C11orf65: variants seen among roughly 807,000 people sequenced by gnomAD.
The protein encoded by C11orf65 is protein MFI.
C11orf65 carries 38 observed loss-of-function variants against 35.3 expected under a neutral mutation model. That is an observed-to-expected ratio of 1.08 (90% CI 0.83 to 1.41). The LOEUF (loss-of-function observed/expected upper bound fraction) is 1.41. Among genes scored for constraint, C11orf65 ranks in the 40% most tolerant of loss-of-function variants. The pLI, the probability that C11orf65 is intolerant of heterozygous loss-of-function variation, is 0.00. For missense variants in C11orf65, 370 were observed against 367.1 expected (o/e 1.01, Z -0.06); for synonymous variants, 105 against 114.4 (o/e 0.92, Z 0.53).
At chr11:108,437,327 A>G (rs1292907762) in intron 2 of C11orf65, among the ~76,000 whole-genome samples, 1 of 151,900 alleles carries the variant, frequency 6.6e-6, no homozygotes, top group African/African-American at 2.4e-5. Flanking sequence ...TTGAGTTGGC[A>G]GAAAATTAAT....
chr11:108,395,018 C>A (rs1164999613), intron 6 of C11orf65, among the ~76,000 whole-genome samples: 1 of 151,990 alleles, frequency 6.6e-6, no homozygotes, highest in Non-Finnish European at 1.5e-5. Context: ...GTAGTCCCAG[C>A]TACTGGGGAG....
chr11:108,321,262 T>G, intron 6 of C11orf65: 1 of 1,609,760 alleles, frequency 6.2e-7, no homozygotes, highest in South Asian at 1.1e-5. Flanking sequence ...TGAAAACCTC[T>G]TCTTTATTTT....
At chr11:108,364,309 A>G (rs1258644712) in intron 2 of C11orf65, among the ~76,000 whole-genome samples, 3 of 152,184 alleles carry the variant, frequency 2.0e-5, no homozygotes, top group South Asian at 4.1e-4. Flanking sequence ...AGCATTTGCT[A>G]AAGCCTATTT....
At chr11:108,387,148 C>CTTTTTTTTTTTTT (rs1175890979) in intron 7 of C11orf65, among the ~76,000 whole-genome samples, 71 of 84,408 alleles carry the variant, frequency 8.4e-4, no homozygotes, top group South Asian at 2.5e-3. Flanking sequence ...TTCTTTCTTT[C>CTTTTTTTTTTTTT]TTTTTTTTTT....
At chr11:108,421,359 C>G (rs1222458724) in intron 3 of C11orf65, among the ~76,000 whole-genome samples, 1 of 152,094 alleles carries the variant, frequency 6.6e-6, no homozygotes, top group Admixed American at 6.5e-5. Context: ...CCAGACAAAT[C>G]AAAATACACA....
At chr11:108,464,092 A>G (rs925959949) in intron 1 of C11orf65, among the ~76,000 whole-genome samples, 1 of 151,312 alleles carries the variant, frequency 6.6e-6, no homozygotes, top group Non-Finnish European at 1.5e-5. Context: ...ACGCCTGGCT[A>G]ATTTTTGTAT....
intron 2 of C11orf65, among the ~76,000 whole-genome samples, chr11:108,337,538 A>G (rs1449024814): frequency 6.6e-6 from 1 of 152,214 alleles, no homozygotes; most frequent in Non-Finnish European, 1.5e-5. Context: ...AGATTAGGGT[A>G]GAACCTGTGA....
chr11:108,446,744 C>A (rs2093267513), intron 2 of C11orf65, among the ~76,000 whole-genome samples: 1 of 152,112 alleles, frequency 6.6e-6, no homozygotes, highest in African/African-American at 2.4e-5. Context: ...AAATAACCAG[C>A]TAACATCATA....
chr11:108,365,583 ATACTT>A (rs2091269218), intron 2 of C11orf65: 11 of 1,501,794 alleles, frequency 7.3e-6, no homozygotes, highest in Non-Finnish European at 1.0e-5. Flanking sequence ...ACCTGCCAAC[ATACTT>A]TAAGTAGGGA....
chr11:108,355,334 G>T, intron 2 of C11orf65: 1 of 193,720 alleles, frequency 5.2e-6, no homozygotes, highest in Non-Finnish European at 1.1e-5. Flanking sequence ...GTTTACTGCT[G>T]GTGCTACCTC....
chr11:108,400,955 A>C (rs1170006276), intron 6 of C11orf65, among the ~76,000 whole-genome samples: 1 of 151,964 alleles, frequency 6.6e-6, no homozygotes, highest in Non-Finnish European at 1.5e-5. Flanking sequence ...AAATACAAAA[A>C]AAAATTAGCC....
downstream of C11orf65, chr11:108,329,293 G>A (rs2136427571): frequency 6.8e-7 from 1 of 1,468,930 alleles, no homozygotes; most frequent in Non-Finnish European, 9.4e-7. Context: ...CTGAGTGAGT[G>A]TTTTTGCATA....
intron 3 of C11orf65, among the ~76,000 whole-genome samples, chr11:108,409,493 AC>A (rs2092617093): frequency 6.6e-6 from 1 of 152,198 alleles, no homozygotes; most frequent in Non-Finnish European, 1.5e-5. Flanking sequence ...TAGAAATCAT[AC>A]TTCACATTTT....
At chr11:108,323,628 A>G (rs184995380) in intron 6 of C11orf65, among the ~76,000 whole-genome samples, 1 of 152,322 alleles carries the variant, frequency 6.6e-6, no homozygotes, top group East Asian at 1.9e-4. Flanking sequence ...ATCATTACAC[A>G]TTGTATGCTT....
intron 2 of C11orf65, among the ~76,000 whole-genome samples, chr11:108,450,182 G>A (rs927753910): frequency 4.6e-5 from 7 of 151,970 alleles, no homozygotes; most frequent in Non-Finnish European, 1.0e-4. Context: ...TACACTGTTG[G>A]TGGGACTGTA....
At chr11:108,330,106 T>A, downstream of C11orf65, 1 of 1,257,514 alleles carries the variant, frequency 8.0e-7, no homozygotes. Context: ...CTTTTTTCCC[T>A]GGGATAAAAA....
intron 6 of C11orf65, among the ~76,000 whole-genome samples, chr11:108,400,187 C>A (rs1437886243): frequency 6.6e-6 from 1 of 152,158 alleles, no homozygotes; most frequent in Non-Finnish European, 1.5e-5. Flanking sequence ...GCTCTCAAAT[C>A]GAGAGAGGGC....
At chr11:108,373,854 C>T (rs1347476190) in intron 2 of C11orf65, among the ~76,000 whole-genome samples, 7 of 152,236 alleles carry the variant, frequency 4.6e-5, no homozygotes, top group Admixed American at 1.3e-4. Context: ...GCTTAGGAAA[C>T]GGTGCACCAG....
intron 6 of C11orf65, among the ~76,000 whole-genome samples, chr11:108,397,273 G>A (rs2092335026): frequency 6.6e-6 from 1 of 150,820 alleles, no homozygotes; most frequent in South Asian, 2.1e-4. Context: ...GAGCTGACAT[G>A]GTGCCAATGT....
Sources: allele counts gnomAD v4.1 joint callset (sites outside exome capture counted in the v4.1 genomes callset), GRCh38; gene constraint gnomAD v4.1.1; transcripts MANE v1.5; gene names NCBI Gene and HGNC (gene_info 2026-07-23, HGNC 2026-07-21).